CADM2: variants seen among roughly 807,000 people sequenced by gnomAD.
CADM2 encodes the protein cell adhesion molecule 2, also known as immunoglobulin superfamily member 4D.
Under a neutral mutation model 49.8 loss-of-function variants are expected in CADM2, and 12 were observed. That is an observed-to-expected ratio of 0.24 (90% CI 0.15 to 0.39). CADM2 has a LOEUF of 0.39. CADM2 is among the 10% of genes least tolerant of loss of function. CADM2 has a pLI of 1.00. For missense variants in CADM2, 378 were observed against 492.3 expected (o/e 0.77, Z 2.20); for synonymous variants, 214 against 175.4 (o/e 1.22, Z -1.74).
At chr3:86,057,280 A>G (rs1738107626) in intron 8 of CADM2, among the ~76,000 whole-genome samples, 1 of 152,154 alleles carries the variant, frequency 6.6e-6, no homozygotes, top group Non-Finnish European at 1.5e-5. Flanking sequence ...CCTCTTTCTG[A>G]AGAATTATTC....
chr3:85,946,974 C>A (rs901502188), intron 7 of CADM2, among the ~76,000 whole-genome samples: 2 of 152,044 alleles, frequency 1.3e-5, no homozygotes, highest in African/African-American at 4.8e-5. Context: ...AGAGCTTCTG[C>A]ACAGCAAAAG....
Position 85,528,851 on chromosome 3 carries a change from G to T in CADM2, c.62-197671G>T, listed in dbSNP as rs898240343. Among the ~76,000 whole-genome samples the T allele has an allele frequency of 2.6e-5, 4 of 151,988 alleles. 1 individual carries two copies. Among genetic ancestry groups the T allele is most frequent in the Non-Finnish European group, 5.9e-5 (4 of 67,982 alleles). ...AAATCTTCTCTCAGAAAAAATCAAA[G>T]CAATGAAATAAACAAAAACCAATTC... On this transcript the variant is annotated intron_variant, in intron 1 of 9. Coordinates refer to ENST00000383699, the MANE Select transcript of CADM2 (RefSeq NM_001167675.2).
At chr3:85,864,040 G>T (rs2075633871) in intron 3 of CADM2, among the ~76,000 whole-genome samples, 1 of 152,190 alleles carries the variant, frequency 6.6e-6, no homozygotes, top group Non-Finnish European at 1.5e-5. Flanking sequence ...AAAGGGTAGA[G>T]ACTGGGATCT....
At chr3:85,923,191 G>C (rs1719370775) in intron 6 of CADM2, among the ~76,000 whole-genome samples, 1 of 152,116 alleles carries the variant, frequency 6.6e-6, no homozygotes. Context: ...TTTATGGACT[G>C]TGTAAAGTAA....
At chr3:85,980,089 T>C (rs1007971979) in intron 8 of CADM2, among the ~76,000 whole-genome samples, 1 of 151,546 alleles carries the variant, frequency 6.6e-6, no homozygotes, top group Admixed American at 6.6e-5. Context: ...AAACATGGTT[T>C]AATTTCTACA....
At chr3:85,147,275 C>CAAAAAAAAAAAAAAAAAAAAA (rs759888985) in intron 1 of CADM2, among the ~76,000 whole-genome samples, 3 of 46,004 alleles carry the variant, frequency 6.5e-5, no homozygotes, top group African/African-American at 1.0e-4. Context: ...GACTCTGTCT[C>CAAAAAAAAAAAAAAAAAAAAA]AAAAAAAAAA....
intron 3 of CADM2, among the ~76,000 whole-genome samples, chr3:85,863,348 A>G (rs757674548): frequency 3.2e-4 from 49 of 152,096 alleles, no homozygotes; most frequent in Non-Finnish European, 6.2e-4. Context: ...TAAGGCCTTT[A>G]AGAGGTGATT....
chr3:85,257,608 A>G (rs1217469131), intron 1 of CADM2, among the ~76,000 whole-genome samples: 1 of 151,998 alleles, frequency 6.6e-6, no homozygotes, highest in East Asian at 1.9e-4. Flanking sequence ...GTTTTTCCTT[A>G]TGGTCAAAAA....
intron 2 of CADM2, among the ~76,000 whole-genome samples, chr3:85,786,489 C>A (rs932370267): frequency 2.0e-5 from 3 of 151,946 alleles, no homozygotes; most frequent in Non-Finnish European, 4.4e-5. Context: ...TGGGTGAAAT[C>A]AACATTAATG....
intron 1 of CADM2, among the ~76,000 whole-genome samples, chr3:85,291,076 T>C (rs191384549): frequency 0.03 from 4,582 of 152,000 alleles, 112 homozygotes; most frequent in Non-Finnish European, 0.048. Context: ...GAATAACCAA[T>C]ACAGAGAAGT....
chr3:85,412,624 A>G (rs959040500), intron 1 of CADM2, among the ~76,000 whole-genome samples: 1 of 152,096 alleles, frequency 6.6e-6, no homozygotes, highest in Non-Finnish European at 1.5e-5. Context: ...CCTCTAATAA[A>G]GGGACAAGTG....
At chr3:85,281,084 G>A (rs1432833405) in intron 1 of CADM2, among the ~76,000 whole-genome samples, 1 of 151,694 alleles carries the variant, frequency 6.6e-6, no homozygotes, top group Non-Finnish European at 1.5e-5. Context: ...AATATATTTG[G>A]GAATGTATGT....
chr3:85,508,336 G>GT (rs2055729574), intron 1 of CADM2, among the ~76,000 whole-genome samples: 1 of 152,126 alleles, frequency 6.6e-6, no homozygotes, highest in Non-Finnish European at 1.5e-5. Context: ...TGTAGAAACA[G>GT]TTTCCTGGTC....
chr3:85,396,353 A>G (rs1345075480), intron 1 of CADM2, among the ~76,000 whole-genome samples: 2 of 151,888 alleles, frequency 1.3e-5, no homozygotes, highest in African/African-American at 4.8e-5. Flanking sequence ...AAATAACTGG[A>G]GCCCCTTTTT....
chr3:85,062,548 TA>T (rs2036371242), intron 1 of CADM2, among the ~76,000 whole-genome samples: 1 of 151,976 alleles, frequency 6.6e-6, no homozygotes, highest in Non-Finnish European at 1.5e-5. Context: ...TTTTTGGTAC[TA>T]AAAATAATTT....
intron 8 of CADM2, among the ~76,000 whole-genome samples, chr3:86,025,049 T>G (rs1485037682): frequency 3.3e-5 from 2 of 60,002 alleles, no homozygotes; most frequent in African/African-American, 9.7e-5. Context: ...TGACTAGTTG[T>G]TTTTTTTTGT....
At chr3:85,570,690 A>G (rs1242393735) in intron 1 of CADM2, among the ~76,000 whole-genome samples, 1 of 152,184 alleles carries the variant, frequency 6.6e-6, no homozygotes, top group Non-Finnish European at 1.5e-5. Flanking sequence ...ATTATTACAG[A>G]TGGTTGTCTT....
At chr3:85,609,268 C>A (rs975117088) in intron 1 of CADM2, among the ~76,000 whole-genome samples, 7 of 152,008 alleles carry the variant, frequency 4.6e-5, no homozygotes, top group African/African-American at 1.4e-4. Flanking sequence ...ATGCACCTGT[C>A]TAGTCCATGT....
chr3:85,732,326 T>C (rs1200272684), intron 2 of CADM2, among the ~76,000 whole-genome samples: 1 of 151,966 alleles, frequency 6.6e-6, no homozygotes, highest in Non-Finnish European at 1.5e-5. Flanking sequence ...AAAATCTTCA[T>C]AAAAAACGAA....
Sources: allele counts gnomAD v4.1 joint callset (sites outside exome capture counted in the v4.1 genomes callset), GRCh38; gene constraint gnomAD v4.1.1; transcripts MANE v1.5; gene names NCBI Gene and HGNC (gene_info 2026-07-23, HGNC 2026-07-21).